Variants in CA13 observed in about 807,000 individuals in gnomAD.
CA13 encodes the protein CA-XIII.
In CA13, 21 loss-of-function variants were observed where a neutral mutation model predicts 31.5. That is an observed-to-expected ratio of 0.67 (90% CI 0.47 to 0.96). The LOEUF (loss-of-function observed/expected upper bound fraction) is 0.96. Among genes scored for constraint, CA13 ranks in the 40% least tolerant of loss-of-function variants. The pLI is 0.00. For missense variants in CA13, 315 were observed against 318.9 expected, an observed-to-expected ratio of 0.99 and a Z score of 0.09; for synonymous variants, 117 against 111.4, an observed-to-expected ratio of 1.05 and a Z score of -0.32.
chr8:85,248,015 G>T lies in CA13; in HGVS notation c.37+2150G>T, dbSNP rs750442900. 2.0e-4 allele frequency among the ~76,000 whole-genome samples: 30 copies of T among 152,258 alleles called. 2 individuals are homozygous for T. The highest frequency in any genetic ancestry group is 6.8e-3 in the Middle Eastern group (2 of 294). On this transcript the variant is annotated intron_variant, in intron 1 of 6. Transcript: ENST00000321764. ...AGACTTGAAGCCCTGAAAGGGTACT[G>T]CCTTCACAAATAACTTAGGATTCTT...
chr8:85,245,996 A>T, intron 1 of CA13, 131 bp downstream of exon 1: 1 of 771,324 alleles, frequency 1.3e-6, no homozygotes, highest in Non-Finnish European at 2.2e-6. Context: ...CTTTAAACTA[A>T]GCAGCACTCC....
intron 2 of CA13, among the ~76,000 whole-genome samples, chr8:85,252,182 A>G (rs1423754779): frequency 6.6e-6 from 1 of 152,154 alleles, no homozygotes. Flanking sequence ...GCTTGACTTC[A>G]GGAGGTCAAG....
At chr8:85,253,323 G>C (rs1807227652) in intron 2 of CA13, among the ~76,000 whole-genome samples, 2 of 151,502 alleles carry the variant, frequency 1.3e-5, no homozygotes, top group Non-Finnish European at 1.5e-5. Context: ...GGAGTGCAGT[G>C]GTGCAATCAT....
intron 2 of CA13, among the ~76,000 whole-genome samples, chr8:85,251,751 C>A (rs1440699719): frequency 1.8e-4 from 28 of 152,290 alleles, no homozygotes; most frequent in African/African-American, 6.5e-4. Flanking sequence ...ATATTAATGT[C>A]TCTTTCTTCC....
At chr8:85,275,500 A>G (rs2130003134) in intron 6 of CA13, among the ~76,000 whole-genome samples, 1 of 152,290 alleles carries the variant, frequency 6.6e-6, no homozygotes, top group South Asian at 2.1e-4. Flanking sequence ...GCGTTCTCCT[A>G]GATCTACAAA....
rs764635284 is a variant in CA13 at position 85,245,794 on chromosome 8, G to A, written c.-35G>A. 8 of 1,612,728 alleles carry A rather than the reference G, an allele frequency of 5.0e-6. No individual in the cohort carries two copies. The highest frequency in any genetic ancestry group is 5.9e-6 in the Non-Finnish European group (7 of 1,178,966). ...GCTCCCTCCTCTTTCTCGCTGCTCA[G>A]TCACATCTTTCTCTTCCTTCCACCC... On this transcript the variant is annotated 5_prime_UTR_variant, in exon 1 of 7. Transcript: ENST00000321764.
At chr8:85,255,192 T>G (rs1465489070) in intron 2 of CA13, among the ~76,000 whole-genome samples, 3 of 151,982 alleles carry the variant, frequency 2.0e-5, no homozygotes, top group Non-Finnish European at 4.4e-5. Flanking sequence ...CCATAACTCA[T>G]TGAAGCCCGG....
At chr8:85,275,197 G>A (rs12543256) in intron 6 of CA13, among the ~76,000 whole-genome samples, 62,068 of 151,956 alleles carry the variant, frequency 0.41, 15,504 homozygotes, top group Non-Finnish European at 0.53. Flanking sequence ...ACCAAGCTCC[G>A]TGGGGTAATT....
intron 2 of CA13, among the ~76,000 whole-genome samples, chr8:85,257,863 C>T (rs1255957752): frequency 6.7e-6 from 1 of 148,858 alleles, no homozygotes; most frequent in East Asian, 2.0e-4. Flanking sequence ...AACTCCTGAC[C>T]TCAAGTGATC....
Position 85,266,711 on chromosome 8 carries a change from T to A in CA13, c.450+8T>A, listed in dbSNP as rs1587541459. 9 of 1,600,946 alleles carry A rather than the reference T, an allele frequency of 5.6e-6. No individual in the cohort carries two copies. The highest frequency in any genetic ancestry group is 7.7e-6 in the Non-Finnish European group (9 of 1,168,818). ...TTGGGAGTGTTTTTACAGGTGAGAA[T>A]CTACTGTTTTCATTTTAAATGATCA... On this transcript the variant is annotated splice_region_variant and intron_variant, in intron 4 of 6. Transcript: ENST00000321764.
intron 1 of CA13, chr8:85,249,758 A>G: frequency 2.6e-6 from 1 of 386,000 alleles, no homozygotes. Context: ...TTTCAGGAAT[A>G]GTAGAGAGAA....
chr8:85,265,283 T>A (rs935991275), intron 3 of CA13, among the ~76,000 whole-genome samples: 1 of 152,230 alleles, frequency 6.6e-6, no homozygotes, highest in African/African-American at 2.4e-5. Context: ...CATTTATGAT[T>A]GTAGCTAAAT....
chr8:85,274,954 C>T (rs1350224042), intron 6 of CA13, among the ~76,000 whole-genome samples: 2 of 152,122 alleles, frequency 1.3e-5, no homozygotes, highest in Admixed American at 6.6e-5. Context: ...AAGAATCCAG[C>T]TTTAATTGTG....
At chr8:85,276,558 T>C (rs550934056) in intron 6 of CA13, among the ~76,000 whole-genome samples, 2 of 152,366 alleles carry the variant, frequency 1.3e-5, no homozygotes, top group South Asian at 2.1e-4. Context: ...CAATCGGCAC[T>C]CTGTATCTAG....
At chr8:85,278,540 G>C (rs1281276611) in intron 6 of CA13, among the ~76,000 whole-genome samples, 1 of 152,164 alleles carries the variant, frequency 6.6e-6, no homozygotes, top group Non-Finnish European at 1.5e-5. Flanking sequence ...CAAAATGTTA[G>C]AAATGTGATG....
chr8:85,251,034 G>A lies in CA13; in HGVS notation c.235+97G>A, dbSNP rs1045551823. 15 of 1,023,172 alleles carry A rather than the reference G, an allele frequency of 1.5e-5. No individual in the cohort carries two copies. In the African/African-American group the frequency reaches 1.6e-4, roughly 11 times the overall value. The allele number at this position is 1,023,172 out of a possible 1,614,324, so 63.4% of individuals were successfully genotyped here. Reference sequence around the variant, plus strand: ...TTTTTTTTTTTTGAGACAGAGTCTCGCTCTGTCGCCAGGCTGAAGTGTAGT... The same window carrying A: ...TTTTTTTTTTTTGAGACAGAGTCTCACTCTGTCGCCAGGCTGAAGTGTAGT... On this transcript the variant is annotated intron_variant, in intron 2 of 6. Coordinates refer to ENST00000321764, the MANE Select transcript of CA13 (RefSeq NM_198584.3).
At position 85,245,647 on chromosome 8, in the gene CA13, G is replaced by T; in HGVS notation, c.-182G>T. 1 of 645,292 alleles carries T rather than the reference G, an allele frequency of 1.5e-6. No individual in the cohort carries two copies. The highest frequency in any genetic ancestry group is 2.7e-6 in the Non-Finnish European group (1 of 372,510). 40.0% of individuals were successfully genotyped at this position (645,292 alleles called of 1,614,324 possible). The stretch of plus-strand genomic sequence containing the variant: ...AGCCAGCGGCGCGGGCGCCTTCCCC[G>T]CACGCCTCTGCCGTCTGGAGGACGC... On this transcript the variant is annotated 5_prime_UTR_variant, in exon 1 of 7. Coordinates refer to ENST00000321764, the MANE Select transcript of CA13 (RefSeq NM_198584.3).
intron 6 of CA13, among the ~76,000 whole-genome samples, chr8:85,275,760 A>C (rs1401496603): frequency 6.6e-6 from 1 of 152,210 alleles, no homozygotes; most frequent in Admixed American, 6.5e-5. Context: ...TTTTTACTTT[A>C]TATTAACTTT....
At chr8:85,279,972 C>T (rs1807673923) in intron 6 of CA13, among the ~76,000 whole-genome samples, 1 of 151,624 alleles carries the variant, frequency 6.6e-6, no homozygotes, top group African/African-American at 2.4e-5. Flanking sequence ...CATATCTGTA[C>T]TTAAAAAAAA....
Sources: allele counts gnomAD v4.1 joint callset (sites outside exome capture counted in the v4.1 genomes callset), GRCh38; gene constraint gnomAD v4.1.1; transcripts MANE v1.5; gene names NCBI Gene and HGNC (gene_info 2026-07-23, HGNC 2026-07-21).